The following LARS2 variants were observed in gnomAD, a reference collection of about 807,000 sequenced individuals.
LARS2 encodes the protein leucyl-tRNA synthetase 2, mitochondrial, also known as leucine--tRNA ligase, mitochondrial.
A neutral mutation model predicts 116.6 loss-of-function variants in LARS2; 81 were observed. The ratio of observed to expected loss-of-function variants is 0.69; its 90% CI spans 0.58 to 0.84. The LOEUF is 0.84. Ranked by LOEUF, LARS2 falls within the 40% of genes least tolerant of loss-of-function variation. The probability of loss-of-function intolerance (pLI) is 0.00; values close to 1 mark genes in which losing one functional copy is unlikely to be tolerated. For synonymous variants in LARS2, 396 were observed against 407.2 expected (o/e 0.97, Z 0.33); for missense variants, 968 against 1,114.5 (o/e 0.87, Z 1.87).
chr3:45,503,791 T>C (rs1002985054), intron 15 of LARS2, among the ~76,000 whole-genome samples: 2 of 152,014 alleles, frequency 1.3e-5, no homozygotes, highest in Admixed American at 1.3e-4. Flanking sequence ...CCTATCCAGA[T>C]AACCCATGTT....
chr3:45,468,866 C>G (rs989670859), intron 8 of LARS2, among the ~76,000 whole-genome samples: 3 of 152,188 alleles, frequency 2.0e-5, no homozygotes, highest in Admixed American at 6.5e-5. Flanking sequence ...GATGGGCATA[C>G]CTAGAAAGCA....
intron 8 of LARS2, among the ~76,000 whole-genome samples, chr3:45,462,020 C>T (rs1324081030): frequency 2.6e-5 from 4 of 152,086 alleles, no homozygotes; most frequent in Admixed American, 6.5e-5. Flanking sequence ...TGATAAAAAT[C>T]GTCTTGAGTT....
In LARS2 at chr3:45,394,693, T is replaced by A. The variant is rs1408442634; in HGVS notation, c.234+6T>A. 2 of 1,578,736 alleles carry A rather than the reference T, an allele frequency of 1.3e-6. No homozygotes were observed. Among genetic ancestry groups the A allele is most frequent in the Non-Finnish European group, 1.7e-6 (2 of 1,147,890 alleles). ...CCAAAATTTCAGAAGCTGATGTGAG[T>A]ATTCTGAGAGATTCTAAGAGGGTAG... On this transcript the variant is annotated splice_donor_region_variant and intron_variant, in intron 3 of 21. Coordinates refer to ENST00000645846, the MANE Select transcript of LARS2 (RefSeq NM_015340.4).
chr3:45,533,692 A>G (rs895639845), intron 20 of LARS2, among the ~76,000 whole-genome samples: 1 of 152,126 alleles, frequency 6.6e-6, no homozygotes, highest in African/African-American at 2.4e-5. Context: ...TCTGGAATAC[A>G]GGGGTCAGAG....
intron 16 of LARS2, 124 bp from the exon 17 acceptor site, chr3:45,515,968 TGA>T (rs1559494339): frequency 3.0e-6 from 2 of 665,400 alleles, no homozygotes; most frequent in Non-Finnish European, 5.0e-6. Context: ...GCTTGTTAAG[TGA>T]ATTAGTGTGA....
intron 6 of LARS2, chr3:45,422,426 A>G (rs1473467961): frequency 1.3e-5 from 2 of 152,150 alleles, no homozygotes; most frequent in African/African-American, 2.4e-5. Context: ...GACCTTTGAG[A>G]TAGGATAAAT....
intron 20 of LARS2, among the ~76,000 whole-genome samples, chr3:45,535,453 A>G (rs369576156): frequency 4.6e-5 from 7 of 152,282 alleles, no homozygotes; most frequent in Non-Finnish European, 1.0e-4. Context: ...TAATTTCACC[A>G]TCCTGAAAAA....
At position 45,492,747 on chromosome 3, in the gene LARS2, A is replaced by G. The variant is rs116044387; in HGVS notation, c.1523+947A>G. Among the ~76,000 whole-genome samples, 1,312 of 152,348 alleles carry G rather than the reference A, an allele frequency of 8.6e-3. 16 individuals are homozygous for G. The highest frequency in any genetic ancestry group is 0.022 in the African/African-American group (924 of 41,570). On this transcript the variant is annotated intron_variant, in intron 13 of 21. Transcript: ENST00000645846. The stretch of plus-strand genomic sequence containing the variant: ...AGAATTAACACATGTGATCCTGCAC[A>G]GTGATACCTTCTAGGCCTTCAATAA...
chr3:45,442,179 CTTT>C (rs985179806), intron 6 of LARS2, among the ~76,000 whole-genome samples: 3 of 152,284 alleles, frequency 2.0e-5, no homozygotes, highest in Non-Finnish European at 4.4e-5. Context: ...AAGGAAAAGA[CTTT>C]TTATTTGACT....
chr3:45,483,179 C>A (rs2125724689), intron 10 of LARS2, among the ~76,000 whole-genome samples: 1 of 152,340 alleles, frequency 6.6e-6, no homozygotes, highest in African/African-American at 2.4e-5. Flanking sequence ...CTGGCATAGA[C>A]ATCCCTATCT....
intron 8 of LARS2, among the ~76,000 whole-genome samples, chr3:45,467,326 A>G (rs1699440266): frequency 6.6e-6 from 1 of 152,190 alleles, no homozygotes; most frequent in Admixed American, 6.5e-5. Flanking sequence ...ATGCAGAGAG[A>G]CACTTTTCCA....
At chr3:45,403,353 G>A (rs950681142) in intron 4 of LARS2, among the ~76,000 whole-genome samples, 27 of 151,724 alleles carry the variant, frequency 1.8e-4, no homozygotes, top group African/African-American at 6.5e-4. Flanking sequence ...CTTCGCTCTT[G>A]TTGCCCAGGC....
chr3:45,446,368 C>T (rs1250307349), intron 6 of LARS2, among the ~76,000 whole-genome samples: 1 of 152,120 alleles, frequency 6.6e-6, no homozygotes, highest in Non-Finnish European at 1.5e-5. Context: ...AAGTAAACAA[C>T]AGCCTGATTC....
At chr3:45,434,466 C>T (rs1698768430) in intron 6 of LARS2, among the ~76,000 whole-genome samples, 1 of 152,102 alleles carries the variant, frequency 6.6e-6, no homozygotes, top group Admixed American at 6.5e-5. Context: ...CTGGGACTTT[C>T]TATTTTCTCA....
chr3:45,447,311 G>C (rs1243128292), intron 7 of LARS2, among the ~76,000 whole-genome samples: 3 of 152,138 alleles, frequency 2.0e-5, no homozygotes, highest in Admixed American at 6.5e-5. Context: ...TAGGAAACAT[G>C]GTTTTGTATC....
At chr3:45,504,244 G>A (rs1156332977) in intron 15 of LARS2, among the ~76,000 whole-genome samples, 1 of 151,806 alleles carries the variant, frequency 6.6e-6, no homozygotes, top group Non-Finnish European at 1.5e-5. Context: ...TCCTAACACT[G>A]GGGAATTCTG....
rs187641204 is a variant in LARS2 at position 45,438,345 on chromosome 3, C to G, written c.517-8546C>G. 1.3e-3 allele frequency among the ~76,000 whole-genome samples: 193 copies of G among 152,182 alleles called. 2 individuals are homozygous for G. Among genetic ancestry groups the G allele is most frequent in the African/African-American group, 3.6e-3 (148 of 41,530 alleles). On this transcript the variant is annotated intron_variant, in intron 6 of 21. Coordinates refer to ENST00000645846, the MANE Select transcript of LARS2 (RefSeq NM_015340.4). ...ATGGTGCCATGTCACTGCTTGATGCCCCTCTAAATCCAGAGACCTGGTTAC... is the reference window on the plus strand; with the variant it reads ...ATGGTGCCATGTCACTGCTTGATGCGCCTCTAAATCCAGAGACCTGGTTAC...
chr3:45,540,378 A>G (rs1700772076), intron 20 of LARS2, among the ~76,000 whole-genome samples: 1 of 152,242 alleles, frequency 6.6e-6, no homozygotes, highest in Non-Finnish European at 1.5e-5. Flanking sequence ...AAGATAAAAC[A>G]AAAAGTTGTC....
At chr3:45,439,160 C>T (rs900761862) in intron 6 of LARS2, among the ~76,000 whole-genome samples, 1 of 141,818 alleles carries the variant, frequency 7.1e-6, no homozygotes, top group African/African-American at 2.6e-5. Context: ...GCTTCCTTTT[C>T]AAGAATCATT....
Sources: gnomAD v4.1 joint callset for allele counts (sites outside exome capture counted in the v4.1 genomes callset) on GRCh38, gnomAD v4.1.1 for gene constraint, MANE v1.5 for transcripts, NCBI Gene and HGNC (gene_info 2026-07-23, HGNC 2026-07-21) for gene names.